The following PCDHA7 variants were observed in gnomAD, a reference collection of about 807,000 sequenced individuals.
PCDHA7 encodes protocadherin alpha-7.
In PCDHA7, 37 loss-of-function variants were observed where a neutral mutation model predicts 57.2. That is an observed-to-expected ratio of 0.65 (90% CI 0.50 to 0.85). The LOEUF (loss-of-function observed/expected upper bound fraction) is 0.85. Among genes scored for constraint, PCDHA7 ranks in the 40% least tolerant of loss-of-function variants. The probability of loss-of-function intolerance (pLI) is 0.00; values close to 1 mark genes in which losing one functional copy is unlikely to be tolerated. For missense variants in PCDHA7, 1,188 were observed against 1,241.8 expected (o/e 0.96, Z 0.65); for synonymous variants, 553 against 558.8 (o/e 0.99, Z 0.15).
intron 1 of PCDHA7, chr5:140,841,186 T>C (rs1554138025): frequency 1.7e-6 from 2 of 1,195,696 alleles, no homozygotes; most frequent in Non-Finnish European, 2.3e-6. Flanking sequence ...ATGTTCAAAG[T>C]CTTTTCTCTG....
chr5:140,853,604 G>C lies in PCDHA7; in HGVS notation c.2355+16866G>C, dbSNP rs557129583. On this transcript the variant is annotated intron_variant, in intron 1 of 3. Transcript: ENST00000525929. ...ATCTTAGACACTTTGAGAGCAAAGG[G>C]GGTGCTGTAAATAAGTATACAAGAT... The C allele has an allele frequency of 2.2e-5, 22 of 987,378 alleles. 2 individuals are homozygous for C. In the African/African-American group the frequency reaches 2.3e-4, roughly 10 times the overall value. 61.2% of individuals were successfully genotyped at this position (987,378 alleles called of 1,614,324 possible). A position where few individuals can be genotyped will look rare whatever the true frequency, so the allele number is the denominator to read the frequency against.
chr5:140,883,494 T>C, intron 1 of PCDHA7: 1 of 1,614,208 alleles, frequency 6.2e-7, no homozygotes, highest in Non-Finnish European at 8.5e-7. Flanking sequence ...TCATTAGTGC[T>C]GGACAGCGCC....
At chr5:140,870,836 A>C in intron 1 of PCDHA7, 1 of 1,613,796 alleles carries the variant, frequency 6.2e-7, no homozygotes, top group Non-Finnish European at 8.5e-7. Flanking sequence ...GCAGTTAACA[A>C]GCTAGTACCG....
chr5:140,851,376 G>A, intron 1 of PCDHA7: 1 of 976,392 alleles, frequency 1.0e-6, no homozygotes, highest in Non-Finnish European at 1.2e-6. Flanking sequence ...TGATTGTTCA[G>A]CAACCTTCAG....
rs377373799 is a variant in PCDHA7, at chr5:141,009,886, C to G, written c.2763C>G (p.Thr921=). 3.3e-5 allele frequency: 54 copies of G among 1,612,722 alleles called. No individual in the cohort carries two copies. The highest frequency in any genetic ancestry group is 4.6e-5 in the Non-Finnish European group (54 of 1,179,784). The stretch of plus-strand genomic sequence containing the variant: ...AGAAAAAGAAGAAGGGTAACAAGAC[C>G]CAGGAGAAAAAAGAGAAAGGGAACA... ...KKKKKKKGNK[T]QEKKEKGNST... Residue 921 remains threonine (T), a synonymous_variant, in exon 4 of 4, where the codon ACC becomes ACG. Transcript: ENST00000525929.
At chr5:140,941,852 T>G (rs1254913265) in intron 1 of PCDHA7, among the ~76,000 whole-genome samples, 2 of 152,236 alleles carry the variant, frequency 1.3e-5, no homozygotes, top group Non-Finnish European at 2.9e-5. Context: ...TTACCTGATA[T>G]TCCCTATCAT....
At chr5:140,928,160 C>G (rs782224079) in intron 1 of PCDHA7, 1 of 1,614,096 alleles carries the variant, frequency 6.2e-7, no homozygotes, top group Non-Finnish European at 8.5e-7. Flanking sequence ...AGTGGCTCAC[C>G]CCCACTTAGC....
chr5:140,904,714 C>T (rs1306730472), intron 1 of PCDHA7, among the ~76,000 whole-genome samples: 1 of 152,110 alleles, frequency 6.6e-6, no homozygotes, highest in African/African-American at 2.4e-5. Flanking sequence ...TCACCACATT[C>T]TGGCCAACAT....
At chr5:140,967,422 A>C in intron 1 of PCDHA7, 6 of 1,613,338 alleles carry the variant, frequency 3.7e-6, no homozygotes, top group East Asian at 2.2e-5. Flanking sequence ...GACCGGGAGC[A>C]GGCAGCCTTG....
intron 1 of PCDHA7, among the ~76,000 whole-genome samples, chr5:140,839,879 G>A (rs1448032566): frequency 6.6e-6 from 1 of 151,996 alleles, no homozygotes; most frequent in East Asian, 1.9e-4. Flanking sequence ...AAGATGAATA[G>A]AATTTTGACA....
At chr5:140,969,733 T>C (rs1299165103) in intron 1 of PCDHA7, among the ~76,000 whole-genome samples, 1 of 152,242 alleles carries the variant, frequency 6.6e-6, no homozygotes, top group Non-Finnish European at 1.5e-5. Context: ...TTTGAAATCC[T>C]ATATGAGTGA....
intron 1 of PCDHA7, among the ~76,000 whole-genome samples, chr5:140,844,102 T>C (rs1273394917): frequency 6.7e-6 from 1 of 149,766 alleles, no homozygotes; most frequent in Non-Finnish European, 1.5e-5. Context: ...TCTTACTCCA[T>C]ATGCTGTACT....
At chr5:140,897,050 G>C (rs1269082503) in intron 1 of PCDHA7, among the ~76,000 whole-genome samples, 1 of 152,014 alleles carries the variant, frequency 6.6e-6, no homozygotes, top group African/African-American at 2.4e-5. Flanking sequence ...CTATTCTGCT[G>C]TCAAATACTA....
In PCDHA7 at chr5:140,856,944, G is replaced by C. The variant is rs1424566635; in HGVS notation, c.2355+20206G>C. Reference sequence around the variant, plus strand: ...AAATTTTGGATAAACGAAAGGACGGGAGAAATAAAAGTAAATGATGCTATT... The same window carrying C: ...AAATTTTGGATAAACGAAAGGACGGCAGAAATAAAAGTAAATGATGCTATT... On this transcript the variant is annotated intron_variant, in intron 1 of 3. Transcript: ENST00000525929. 8.8e-6 allele frequency: 14 copies of C among 1,593,558 alleles called. 1 individual carries two copies. The highest frequency in any genetic ancestry group is 1.3e-5 in the African/African-American group (1 of 74,212).
rs2150265551 is a variant in PCDHA7, at chr5:140,836,612, C to T, written c.2229C>T (p.Ser743=). 5.6e-6 allele frequency: 9 copies of T among 1,613,516 alleles called. No homozygotes were observed. Among genetic ancestry groups the T allele is most frequent in the East Asian group, 2.2e-5 (1 of 44,856 alleles). The stretch of plus-strand genomic sequence containing the variant: ...TAAAGCCCACTCTGGTGTGCTCCAG[C>T]GCGGTGGGGAGCTGGTCATTCTCCC... ...SLVKPTLVCS[S]AVGSWSFSQQ... is the part of the protein sequence containing the mutation. Residue 743 remains serine (S), a synonymous_variant, in exon 1 of 4, where the codon AGC becomes AGT. Transcript: ENST00000525929.
rs1554135661 is a variant in PCDHA7, at chr5:140,836,148, C to T, written c.1765C>T (p.His589Tyr). The change falls in exon 1 of 4, where the codon CAT becomes TAT. Residue 589 changes from histidine to tyrosine, a missense_variant. His to Tyr is a moderately conservative substitution (Grantham distance 83). Around this residue, in one of 3 missense-constraint regions of PCDHA7, gnomAD observed 892 missense variants for 788.5 expected, o/e 1.13. Transcript: ENST00000525929. ...ELVPRSVGAG[H>Y]VVAKVRAVDA... Reference sequence around the variant, plus strand: ...TGTGCCGCGGTCTGTGGGCGCGGGCCATGTGGTGGCGAAGGTACGTGCAGT... The same window carrying T: ...TGTGCCGCGGTCTGTGGGCGCGGGCTATGTGGTGGCGAAGGTACGTGCAGT... 6.2e-7 allele frequency: 1 copy of T among 1,613,646 alleles called. No homozygotes were observed. Among genetic ancestry groups the T allele is most frequent in the East Asian group, 2.2e-5 (1 of 44,876 alleles).
intron 1 of PCDHA7, among the ~76,000 whole-genome samples, chr5:140,953,994 A>G (rs1464982369): frequency 6.6e-6 from 1 of 151,886 alleles, no homozygotes; most frequent in Non-Finnish European, 1.5e-5. Flanking sequence ...TTTCATGTGT[A>G]CTCATCATTC....
intron 1 of PCDHA7, chr5:140,842,088 A>T: frequency 6.2e-7 from 1 of 1,613,938 alleles, no homozygotes. Context: ...GAAAACGCAG[A>T]CAACGGAACA....
chr5:140,853,510 A>T, intron 1 of PCDHA7: 1 of 977,306 alleles, frequency 1.0e-6, no homozygotes, highest in Non-Finnish European at 1.2e-6. Context: ...TGAAACAATA[A>T]TGAAGCTCCT....
Sources: allele counts gnomAD v4.1 joint callset (sites outside exome capture counted in the v4.1 genomes callset), GRCh38; gene constraint gnomAD v4.1.1; regional missense constraint gnomAD v4.1.1; transcripts MANE v1.5; gene names NCBI Gene and HGNC (gene_info 2026-07-23, HGNC 2026-07-21).